KCNMA1: variants seen among roughly 807,000 people sequenced by gnomAD.
The protein encoded by KCNMA1 is Calcium-activated potassium channel subunit alpha-1.
In KCNMA1, 29 loss-of-function variants were observed where a neutral mutation model predicts 140.0. That is an observed-to-expected ratio of 0.21 (90% CI 0.15 to 0.28). KCNMA1 has a LOEUF of 0.28. KCNMA1 is among the 10% of genes least tolerant of loss of function. KCNMA1 has a pLI of 1.00. For synonymous variants in KCNMA1, 612 were observed against 611.9 expected (o/e 1.00, Z 0.00); for missense variants, 880 against 1,602.2 (o/e 0.55, Z 7.70).
intron 1 of KCNMA1, chr10:77,586,433 G>A (rs1170147932): frequency 6.6e-6 from 1 of 152,188 alleles, no homozygotes; most frequent in Admixed American, 6.5e-5. Flanking sequence ...CAGAAAACAA[G>A]TCCAGTTTCA....
intron 9 of KCNMA1, among the ~76,000 whole-genome samples, chr10:77,101,825 A>T (rs1052763724): frequency 1.2e-4 from 18 of 152,206 alleles, no homozygotes; most frequent in South Asian, 2.1e-4. Context: ...AGACACAAGT[A>T]AACATGGAAA....
intron 1 of KCNMA1, among the ~76,000 whole-genome samples, chr10:77,407,551 G>C (rs903928595): frequency 5.3e-5 from 8 of 152,196 alleles, no homozygotes; most frequent in Admixed American, 1.3e-4. Flanking sequence ...CCATTTTACA[G>C]ACAGGGTAAC....
At position 77,219,766 on chromosome 10, in the gene KCNMA1, C is replaced by T. The variant is rs146149898; in HGVS notation, c.602+31429G>A. On this transcript the variant is annotated intron_variant, in intron 3 of 27. Coordinates refer to ENST00000286628, the MANE Select transcript of KCNMA1 (RefSeq NM_001161352.2). ...TCCCAAGTAGCTGGGACTACAGGCA[C>T]CCACCACCACACCTGGCTAATTTAG... 3.5e-4 allele frequency among the ~76,000 whole-genome samples: 53 copies of T among 152,234 alleles called. No individual in the cohort carries two copies. In the East Asian group the frequency reaches 9.3e-3, roughly 27 times the overall value.
At chr10:77,333,962 A>T (rs1160087595) in intron 2 of KCNMA1, among the ~76,000 whole-genome samples, 1 of 152,206 alleles carries the variant, frequency 6.6e-6, no homozygotes, top group Non-Finnish European at 1.5e-5. Context: ...TGAGTGAATA[A>T]ATGAATAAAG....
At chr10:77,375,995 T>C (rs1009953721) in intron 2 of KCNMA1, among the ~76,000 whole-genome samples, 4 of 152,192 alleles carry the variant, frequency 2.6e-5, no homozygotes, top group Non-Finnish European at 4.4e-5. Context: ...AGAGCTTACC[T>C]TCCAAGAACC....
rs1210467587 is a variant in KCNMA1 at position 77,483,234 on chromosome 10, C to T, written c.379-79211G>A. 2.0e-5 allele frequency among the ~76,000 whole-genome samples: 3 copies of T among 152,318 alleles called. No individual in the cohort carries two copies. In the East Asian group the frequency reaches 5.8e-4, roughly 29 times the overall value. On this transcript the variant is annotated intron_variant, in intron 1 of 27. Transcript: ENST00000286628. ...ATTGGCAGCGCCACTAACAGCATAT[C>T]AGAAATCTCTCTGCTCCGACCCTTC...
intron 2 of KCNMA1, among the ~76,000 whole-genome samples, chr10:77,378,804 AC>A (rs1466961649): frequency 6.6e-6 from 1 of 152,214 alleles, no homozygotes; most frequent in African/African-American, 2.4e-5. Context: ...GGTGGGACTT[AC>A]CCAATTATAA....
intron 1 of KCNMA1, among the ~76,000 whole-genome samples, chr10:77,430,072 C>T (rs899937008): frequency 6.6e-6 from 1 of 152,202 alleles, no homozygotes; most frequent in Non-Finnish European, 1.5e-5. Context: ...TCTTGGGACC[C>T]TCAACTCACT....
At chr10:77,258,482 G>A (rs893216050) in intron 2 of KCNMA1, among the ~76,000 whole-genome samples, 2 of 152,124 alleles carry the variant, frequency 1.3e-5, no homozygotes, top group Non-Finnish European at 2.9e-5. Flanking sequence ...CTGACCCATC[G>A]CCTCCCTCTC....
intron 2 of KCNMA1, among the ~76,000 whole-genome samples, chr10:77,291,775 G>A (rs1173709298): frequency 6.6e-6 from 1 of 152,150 alleles, no homozygotes; most frequent in Non-Finnish European, 1.5e-5. Context: ...CATATGTGCT[G>A]GTGCTTTACT....
chr10:77,080,136 G>C (rs764620084), intron 12 of KCNMA1, among the ~76,000 whole-genome samples: 32 of 152,318 alleles, frequency 2.1e-4, no homozygotes, highest in Admixed American at 7.2e-4. Context: ...CAAAGAACTT[G>C]CTTCTATCTG....
intron 29 of KCNMA1, among the ~76,000 whole-genome samples, chr10:76,879,457 G>A (rs949491303): frequency 3.0e-4 from 46 of 152,184 alleles, no homozygotes; most frequent in African/African-American, 1.1e-3. Flanking sequence ...AACTGATTAA[G>A]TGCTTTAAAT....
intron 14 of KCNMA1, among the ~76,000 whole-genome samples, chr10:77,043,809 A>T (rs2094878085): frequency 6.6e-6 from 1 of 152,178 alleles, no homozygotes; most frequent in Admixed American, 6.5e-5. Context: ...TAGAAACAGA[A>T]AGTAGGAAGG....
intron 1 of KCNMA1, among the ~76,000 whole-genome samples, chr10:77,414,594 C>T (rs1005709508): frequency 7.2e-5 from 11 of 152,118 alleles, no homozygotes; most frequent in African/African-American, 2.7e-4. Context: ...CAGGTTCAAA[C>T]GATTCTCCTC....
chr10:76,995,058 T>A (rs568305476), intron 19 of KCNMA1, among the ~76,000 whole-genome samples: 1 of 152,126 alleles, frequency 6.6e-6, no homozygotes, highest in African/African-American at 2.4e-5. Flanking sequence ...CAATACCCAA[T>A]CACATCACAA....
chr10:76,979,340 C>T (rs1162909716), intron 19 of KCNMA1, among the ~76,000 whole-genome samples: 1 of 152,208 alleles, frequency 6.6e-6, no homozygotes, highest in Non-Finnish European at 1.5e-5. Context: ...GAGCTGGGGT[C>T]AGGTCTCTCG....
intron 22 of KCNMA1, among the ~76,000 whole-genome samples, chr10:76,947,363 A>G (rs1006187809): frequency 1.3e-5 from 2 of 152,054 alleles, no homozygotes; most frequent in African/African-American, 4.8e-5. Flanking sequence ...ACAAAAACAA[A>G]CAAACAAAAA....
At chr10:76,948,010 T>G (rs1381316383) in intron 22 of KCNMA1, among the ~76,000 whole-genome samples, 19 of 151,990 alleles carry the variant, frequency 1.3e-4, no homozygotes, top group African/African-American at 4.3e-4. Context: ...TTGTTTTGTT[T>G]TTGTTTTTGT....
chr10:76,970,445 G>A lies in KCNMA1; in HGVS notation c.2267-378C>T, dbSNP rs566022285. 64 of 222,836 alleles carry A rather than the reference G, an allele frequency of 2.9e-4. 2 individuals are homozygous for A. Among genetic ancestry groups the A allele is most frequent in the South Asian group, 1.2e-3 (19 of 15,778 alleles). The allele number at this position is 222,836 out of a possible 1,614,324, so 13.8% of individuals were successfully genotyped here. The stretch of plus-strand genomic sequence containing the variant: ...TTTGCCCAGTAATAGACTGCGTTTT[G>A]TTGTAACCAAAATCAGAAATAAAGT... On this transcript the variant is annotated intron_variant, in intron 19 of 27. Coordinates refer to ENST00000286628, the MANE Select transcript of KCNMA1 (RefSeq NM_001161352.2).
Sources: allele counts gnomAD v4.1 joint callset (sites outside exome capture counted in the v4.1 genomes callset), GRCh38; gene constraint gnomAD v4.1.1; transcripts MANE v1.5; gene names NCBI Gene and HGNC (gene_info 2026-07-23, HGNC 2026-07-21).